Variants in DCDC1 observed in about 807,000 individuals in gnomAD.
The protein encoded by DCDC1 is doublecortin domain-containing protein 1.
In DCDC1, 200 loss-of-function variants were observed where a neutral mutation model predicts 178.3. The ratio of observed to expected loss-of-function variants is 1.12; its 90% CI spans 1.00 to 1.26. The LOEUF (loss-of-function observed/expected upper bound fraction) is 1.26, where lower values mean the gene tolerates loss of function less well. DCDC1 is among the 50% of genes most tolerant of loss of function. The pLI is 0.00. For missense variants in DCDC1, 1,983 were observed against 1,749.2 expected, an observed-to-expected ratio of 1.13 and a Z score of -2.38; for synonymous variants, 690 against 604.8, an observed-to-expected ratio of 1.14 and a Z score of -2.07.
rs72882668 is a variant in DCDC1 at position 31,041,015 on chromosome 11, A to G, written c.2591+23454T>C. On this transcript the variant is annotated intron_variant, in intron 20 of 38. Coordinates refer to ENST00000684477, the MANE Select transcript of DCDC1 (RefSeq NM_001387274.1). ...TCCAGAAGCATTATCACATGTTAGT[A>G]CTACATTTAAAGTACAGCAATTATA... is the stretch of plus-strand genomic sequence containing the variant. Among the ~76,000 whole-genome samples, 1,087 of 152,328 alleles carry G rather than the reference A, an allele frequency of 7.1e-3. 7 individuals carry two copies. The highest frequency in any genetic ancestry group is 0.011 in the Non-Finnish European group (780 of 68,032).
At chr11:30,917,380 C>T (rs536980720) in intron 25 of DCDC1, among the ~76,000 whole-genome samples, 9 of 152,140 alleles carry the variant, frequency 5.9e-5, no homozygotes, top group Non-Finnish European at 1.3e-4. Context: ...CCTCTCTCTA[C>T]CCCATAATTG....
chr11:31,076,406 T>G (rs759924206), intron 18 of DCDC1, among the ~76,000 whole-genome samples: 15 of 152,172 alleles, frequency 9.9e-5, no homozygotes, highest in Non-Finnish European at 5.9e-5. Flanking sequence ...TGGAGCGCAG[T>G]GGCATGAACA....
At chr11:30,911,246 T>C (rs76170117) in intron 28 of DCDC1, 81 bp downstream of exon 28, 163 of 1,123,554 alleles carry the variant, frequency 1.5e-4, no homozygotes, top group Non-Finnish European at 2.0e-4. Flanking sequence ...TTTTTTTTTT[T>C]CCTCCACTAC....
intron 7 of DCDC1, among the ~76,000 whole-genome samples, chr11:31,273,795 G>C (rs1945767439): frequency 6.6e-6 from 1 of 152,148 alleles, no homozygotes; most frequent in Non-Finnish European, 1.5e-5. Flanking sequence ...ATAAAAGAAA[G>C]AGGTTTAGTG....
At chr11:31,324,797 A>G in intron 3 of DCDC1, among the ~76,000 whole-genome samples, 1 of 152,146 alleles carries the variant, frequency 6.6e-6, no homozygotes, top group Non-Finnish European at 1.5e-5. Flanking sequence ...AGTAAAAAGT[A>G]CCCAAGAGAA....
chr11:30,942,093 G>A (rs919468653), intron 21 of DCDC1, among the ~76,000 whole-genome samples: 4 of 152,040 alleles, frequency 2.6e-5, no homozygotes, highest in African/African-American at 9.7e-5. Flanking sequence ...TATTGCAGAG[G>A]GTAGATGATC....
chr11:31,263,154 G>A (rs920906461), intron 8 of DCDC1: 16 of 1,414,386 alleles, frequency 1.1e-5, no homozygotes, highest in African/African-American at 5.7e-5. Flanking sequence ...TCATCTTAAC[G>A]AAGATCCCTT....
intron 20 of DCDC1, among the ~76,000 whole-genome samples, chr11:31,052,233 A>G (rs1955305240): frequency 6.6e-6 from 1 of 152,208 alleles, no homozygotes; most frequent in South Asian, 2.1e-4. Context: ...ACTTTAAAGC[A>G]ACAGCGGTTA....
Position 31,305,620 on chromosome 11 carries a change from A to C in DCDC1, c.749T>G (p.Ile250Ser), listed in dbSNP as rs201561938. Residue 250 changes from isoleucine to serine, a missense_variant, in exon 6 of 39, where the codon ATT becomes AGT. Transcript: ENST00000684477. ...ATTTTTTAGATCTTTTTTACCTTTAATTTTTTTGAATGGATTTAAAAAGGG... is the reference window on the plus strand; with the variant it reads ...ATTTTTTAGATCTTTTTTACCTTTACTTTTTTTGAATGGATTTAAAAAGGG... ...GEPFLNPFKK[I>S]KDHLLLIKKV... 2 of 1,613,112 alleles carry C rather than the reference A, an allele frequency of 1.2e-6. No individual in the cohort carries two copies. The highest frequency in any genetic ancestry group is 1.7e-6 in the Non-Finnish European group (2 of 1,179,496).
intron 22 of DCDC1, among the ~76,000 whole-genome samples, chr11:30,928,195 C>G (rs1455463117): frequency 6.6e-6 from 1 of 152,068 alleles, no homozygotes; most frequent in Non-Finnish European, 1.5e-5. Context: ...CCCCCTCTCT[C>G]TTACTTCTTC....
At chr11:31,095,601 A>G (rs964666955) in intron 15 of DCDC1, among the ~76,000 whole-genome samples, 1 of 152,208 alleles carries the variant, frequency 6.6e-6, no homozygotes, top group African/African-American at 2.4e-5. Flanking sequence ...CTAAGAATAA[A>G]GAAATATGAG....
intron 9 of DCDC1, among the ~76,000 whole-genome samples, chr11:31,178,701 T>C (rs1968392189): frequency 1.3e-5 from 2 of 152,126 alleles, no homozygotes. Context: ...CAATTTTTCT[T>C]TTTTTTCCTG....
chr11:31,138,296 C>G (rs1446945094), intron 9 of DCDC1, among the ~76,000 whole-genome samples: 1 of 152,082 alleles, frequency 6.6e-6, no homozygotes, highest in African/African-American at 2.4e-5. Flanking sequence ...TTACTTTGAA[C>G]CTGCTCCATT....
At chr11:30,885,121 A>G (rs941873070) in intron 36 of DCDC1, among the ~76,000 whole-genome samples, 7 of 152,150 alleles carry the variant, frequency 4.6e-5, no homozygotes, top group Non-Finnish European at 5.9e-5. Flanking sequence ...TTAGCATAAC[A>G]TTGGTATTCC....
chr11:31,312,453 GA>G (rs1215929577), intron 3 of DCDC1, among the ~76,000 whole-genome samples: 3 of 152,146 alleles, frequency 2.0e-5, no homozygotes, highest in Non-Finnish European at 4.4e-5. Context: ...GATATCTGAG[GA>G]AACATTATTT....
At chr11:31,042,064 C>T (rs1430222174) in intron 20 of DCDC1, among the ~76,000 whole-genome samples, 1 of 152,110 alleles carries the variant, frequency 6.6e-6, no homozygotes, top group Non-Finnish European at 1.5e-5. Context: ...TCTTTCCCTG[C>T]TTATTCACTG....
At position 30,909,005 on chromosome 11, in the gene DCDC1, C is replaced by A. The variant is rs532494891; in HGVS notation, c.3859G>T (p.Ala1287Ser). The A allele has an allele frequency of 1.2e-5, 19 of 1,610,874 alleles. No homozygotes were observed. The East Asian group carries it at 4.2e-4, about 36-fold the overall frequency. ...GATGTACAGACACCAGCATAATTTG[C>A]TGATGTAATTTCCTTATCCAAGGCA... ...STALDKEITS[A>S]NYAGVCTSSV... Residue 1287 changes from alanine to serine, a missense_variant, in exon 29 of 39, where the codon GCA becomes TCA. Ala to Ser is a moderately conservative substitution (Grantham distance 99). Coordinates refer to ENST00000684477, the MANE Select transcript of DCDC1 (RefSeq NM_001387274.1).
In DCDC1 at chr11:31,071,199, C is replaced by T. The variant is rs1269012901; in HGVS notation, c.2299-6046G>A. 5.9e-5 allele frequency among the ~76,000 whole-genome samples: 9 copies of T among 152,230 alleles called. No individual in the cohort carries two copies. In the East Asian group the frequency reaches 1.7e-3, roughly 29 times the overall value. ...CAACATTACAATTTTTCTTAATCATCATAAATTATTCTCCATTATTTGTGA... is the reference window on the plus strand; with the variant it reads ...CAACATTACAATTTTTCTTAATCATTATAAATTATTCTCCATTATTTGTGA... On this transcript the variant is annotated intron_variant, in intron 18 of 38. Coordinates refer to ENST00000684477, the MANE Select transcript of DCDC1 (RefSeq NM_001387274.1).
intron 20 of DCDC1, among the ~76,000 whole-genome samples, chr11:31,050,127 C>A (rs889844707): frequency 6.6e-6 from 1 of 152,136 alleles, no homozygotes. Context: ...GTCCATCTCG[C>A]CCTCATCTGC....
Sources: gnomAD v4.1 joint callset for allele counts (sites outside exome capture counted in the v4.1 genomes callset) on GRCh38, gnomAD v4.1.1 for gene constraint, MANE v1.5 for transcripts, NCBI Gene and HGNC (gene_info 2026-07-23, HGNC 2026-07-21) for gene names.